Variants in SNX29 observed in about 807,000 individuals in gnomAD.
The protein encoded by SNX29 is sorting nexin 29, also known as sorting nexin-29.
A neutral mutation model predicts 102.1 loss-of-function variants in SNX29; 78 were observed. The observed-to-expected ratio is 0.76, with a 90% CI of 0.64 to 0.92. The LOEUF is 0.92. SNX29 is among the 40% of genes least tolerant of loss of function. SNX29 has a pLI of 0.00. For synonymous variants in SNX29, 580 were observed against 414.5 expected (o/e 1.40, Z -4.85); for missense variants, 1,280 against 1,061.7 (o/e 1.21, Z -2.86).
At chr16:12,290,752 G>C (rs889000135) in intron 15 of SNX29, among the ~76,000 whole-genome samples, 2 of 152,136 alleles carry the variant, frequency 1.3e-5, no homozygotes, top group Non-Finnish European at 2.9e-5. Flanking sequence ...TTGGCCAGTG[G>C]GTTGAAAGTA....
intron 11 of SNX29, among the ~76,000 whole-genome samples, chr16:12,125,301 CTG>C (rs750272947): frequency 5.3e-5 from 8 of 152,262 alleles, no homozygotes; most frequent in Non-Finnish European, 1.2e-4. Flanking sequence ...GATGTCATAG[CTG>C]TGTGGGGAAG....
intron 10 of SNX29, among the ~76,000 whole-genome samples, chr16:12,074,546 A>C (rs1272651621): frequency 9.2e-5 from 14 of 152,138 alleles, no homozygotes; most frequent in Admixed American, 9.2e-4. Flanking sequence ...TGTTAGTCTG[A>C]TGGGCTTCCT....
chr16:12,528,202 C>G (rs564590682), intron 20 of SNX29, among the ~76,000 whole-genome samples: 97 of 152,138 alleles, frequency 6.4e-4, no homozygotes, highest in African/African-American at 2.3e-3. Context: ...ATCCAGACGT[C>G]AAGCTTCTTT....
intron 11 of SNX29, among the ~76,000 whole-genome samples, chr16:12,124,368 A>AT (rs1205646829): frequency 6.6e-6 from 1 of 151,684 alleles, no homozygotes; most frequent in Non-Finnish European, 1.5e-5. Flanking sequence ...AAAAAAAAAA[A>AT]AACTGATATT....
At chr16:12,305,457 C>A (rs938868871) in intron 15 of SNX29, among the ~76,000 whole-genome samples, 5 of 152,174 alleles carry the variant, frequency 3.3e-5, no homozygotes, top group African/African-American at 1.2e-4. Flanking sequence ...ACTGGCAGGT[C>A]CCTTCACTTC....
chr16:12,535,975 A>G (rs1248457167), intron 20 of SNX29, among the ~76,000 whole-genome samples: 2 of 152,166 alleles, frequency 1.3e-5, no homozygotes, highest in African/African-American at 2.4e-5. Flanking sequence ...ACCCCGGCTG[A>G]GAAAAGGGGT....
chr16:12,458,425 G>C (rs2086629105), intron 18 of SNX29, among the ~76,000 whole-genome samples: 1 of 152,248 alleles, frequency 6.6e-6, no homozygotes, highest in Non-Finnish European at 1.5e-5. Flanking sequence ...GCCCTATGCA[G>C]ACACTGAGTG....
intron 13 of SNX29, among the ~76,000 whole-genome samples, chr16:12,195,443 A>T (rs545633034): frequency 7.2e-5 from 11 of 152,266 alleles, no homozygotes; most frequent in African/African-American, 2.6e-4. Flanking sequence ...GTTGATTCAT[A>T]TTTCCTAAAG....
At chr16:12,335,466 A>T (rs1162312840) in intron 15 of SNX29, among the ~76,000 whole-genome samples, 1 of 152,112 alleles carries the variant, frequency 6.6e-6, no homozygotes, top group Non-Finnish European at 1.5e-5. Flanking sequence ...AGAGTTCAAG[A>T]CCAGCCTGGG....
At chr16:12,515,685 C>T (rs2089832880) in intron 19 of SNX29, 1 of 466,838 alleles carries the variant, frequency 2.1e-6, no homozygotes, top group African/African-American at 2.0e-5. Flanking sequence ...ATGATGTATT[C>T]ACGTATCTGC....
At chr16:12,489,312 A>G (rs935057205) in intron 19 of SNX29, among the ~76,000 whole-genome samples, 1 of 152,010 alleles carries the variant, frequency 6.6e-6, no homozygotes, top group Non-Finnish European at 1.5e-5. Context: ...CAGCCTCTCA[A>G]GTTGCCACCA....
At chr16:12,060,435 AC>A (rs1423574103) in intron 8 of SNX29, among the ~76,000 whole-genome samples, 1 of 152,146 alleles carries the variant, frequency 6.6e-6, no homozygotes, top group African/African-American at 2.4e-5. Context: ...TCACAAAAAA[AC>A]AAAACAAAAC....
intron 15 of SNX29, among the ~76,000 whole-genome samples, chr16:12,312,542 C>T (rs768621958): frequency 1.4e-4 from 21 of 152,050 alleles, no homozygotes; most frequent in African/African-American, 3.9e-4. Context: ...ATAAGCTCCA[C>T]GAGCCAGAAG....
chr16:12,355,259 C>T (rs147930120), intron 15 of SNX29, among the ~76,000 whole-genome samples: 3 of 152,268 alleles, frequency 2.0e-5, no homozygotes, highest in Non-Finnish European at 4.4e-5. Context: ...CCTTTTATTC[C>T]TCCTCAGATA....
Position 12,363,287 on chromosome 16 carries a change from C to T in SNX29, c.1899+7008C>T, listed in dbSNP as rs572783911. Among the ~76,000 whole-genome samples, 6 of 152,242 alleles carry T rather than the reference C, an allele frequency of 3.9e-5. 1 individual carries two copies. Among genetic ancestry groups the T allele is most frequent in the South Asian group, 4.1e-4 (2 of 4,820 alleles). ...TCCAGCTCAGTTTTCCTCCTGGAGT[C>T]GTCTTTTGTTTTTTTCTCTGGCTTT... On this transcript the variant is annotated intron_variant, in intron 16 of 20. Transcript: ENST00000566228.
At chr16:12,558,465 C>G (rs560129538) in intron 20 of SNX29, among the ~76,000 whole-genome samples, 2 of 152,166 alleles carry the variant, frequency 1.3e-5, no homozygotes, top group African/African-American at 4.8e-5. Context: ...AACTTAATGC[C>G]ATCCTTTAAA....
intron 15 of SNX29, among the ~76,000 whole-genome samples, chr16:12,314,020 C>G (rs562286187): frequency 6.6e-6 from 1 of 152,356 alleles, no homozygotes; most frequent in East Asian, 1.9e-4. Context: ...AGGTCTCACT[C>G]TCTTGCTCAG....
At chr16:12,347,404 T>C (rs897639947) in intron 15 of SNX29, among the ~76,000 whole-genome samples, 1 of 151,856 alleles carries the variant, frequency 6.6e-6, no homozygotes, top group Admixed American at 6.6e-5. Flanking sequence ...AAGCAAAATG[T>C]GTATTGGAAG....
intron 16 of SNX29, among the ~76,000 whole-genome samples, chr16:12,369,121 G>A (rs2082590646): frequency 6.6e-6 from 1 of 151,704 alleles, no homozygotes; most frequent in Non-Finnish European, 1.5e-5. Context: ...TGGTATGCAT[G>A]TTATTAGCAT....
Sources: allele counts gnomAD v4.1 joint callset (sites outside exome capture counted in the v4.1 genomes callset), GRCh38; gene constraint gnomAD v4.1.1; transcripts MANE v1.5; gene names NCBI Gene and HGNC (gene_info 2026-07-23, HGNC 2026-07-21).